The following FAM168A variants were observed in gnomAD, a reference collection of about 807,000 sequenced individuals.
FAM168A encodes the protein protein FAM168A.
A neutral mutation model predicts 28.5 loss-of-function variants in FAM168A; 3 were observed. The ratio of observed to expected loss-of-function variants is 0.11; its 90% CI spans 0.05 to 0.27. The LOEUF is 0.27. Ranked by LOEUF, FAM168A falls within the 10% of genes least tolerant of loss-of-function variation. The pLI is 1.00. For synonymous variants in FAM168A, 122 were observed against 124.2 expected (o/e 0.98, Z 0.12); for missense variants, 222 against 311.5 (o/e 0.71, Z 2.16).
Position 73,581,993 on chromosome 11 carries a change from A to G in FAM168A, c.-19+15930T>C, listed in dbSNP as rs533564147. 5.4e-4 allele frequency among the ~76,000 whole-genome samples: 82 copies of G among 152,060 alleles called. 1 individual carries two copies. In the South Asian group the frequency reaches 0.016, roughly 30 times the overall value. On this transcript the variant is annotated intron_variant, in intron 1 of 7. Coordinates refer to ENST00000356467, the MANE Select transcript of FAM168A (RefSeq NM_015159.3). ...CGGCCTCCCAAAGTGCTGGGATTAC[A>G]GGCATGAGCCACCGCACCCAGCCAA...
intron 3 of FAM168A, among the ~76,000 whole-genome samples, chr11:73,429,163 A>C (rs1866940501): frequency 6.6e-6 from 1 of 152,208 alleles, no homozygotes; most frequent in Admixed American, 6.5e-5. Flanking sequence ...CTAGGTCTTC[A>C]GACAACCTGT....
chr11:73,483,965 C>T (rs1868003482), intron 1 of FAM168A, among the ~76,000 whole-genome samples: 1 of 152,142 alleles, frequency 6.6e-6, no homozygotes, highest in African/African-American at 2.4e-5. Context: ...AGAATATTGT[C>T]AGATGTAATA....
intron 1 of FAM168A, among the ~76,000 whole-genome samples, chr11:73,580,924 A>AC: frequency 6.6e-6 from 1 of 152,192 alleles, no homozygotes; most frequent in South Asian, 2.1e-4. Context: ...TTGGGACCTG[A>AC]CCCCTAATCA....
intron 1 of FAM168A, among the ~76,000 whole-genome samples, chr11:73,584,854 A>C (rs1011926282): frequency 2.2e-4 from 33 of 152,090 alleles, no homozygotes; most frequent in African/African-American, 7.2e-4. Context: ...TCAACCAAAA[A>C]CCACAAAGTT....
intron 1 of FAM168A, among the ~76,000 whole-genome samples, chr11:73,566,429 G>A (rs1045005721): frequency 2.0e-5 from 3 of 152,080 alleles, no homozygotes; most frequent in African/African-American, 7.2e-5. Flanking sequence ...TACTTATTTT[G>A]CAAGTTACAG....
intron 3 of FAM168A, 140 bp downstream of exon 3, chr11:73,430,550 G>T: frequency 4.1e-6 from 3 of 739,044 alleles, no homozygotes; most frequent in Non-Finnish European, 7.3e-6. Flanking sequence ...TCCCAGAAGG[G>T]ACTCCCAGGA....
At position 73,482,594 on chromosome 11, in the gene FAM168A, G is replaced by C. The variant is rs912839136; in HGVS notation, c.-18-14102C>G. Reference sequence around the variant, plus strand: ...TACCAGAATATATTAGTTTTTTGAAGCAAACCTATGAGGCCCACTAGATTA... The same window carrying C: ...TACCAGAATATATTAGTTTTTTGAACCAAACCTATGAGGCCCACTAGATTA... On this transcript the variant is annotated intron_variant, in intron 1 of 7. Transcript: ENST00000356467. Among the ~76,000 whole-genome samples the C allele has an allele frequency of 2.0e-5, 3 of 151,538 alleles. No individual in the cohort carries two copies. In the Admixed American group the frequency reaches 2.0e-4, roughly 10 times the overall value.
intron 1 of FAM168A, among the ~76,000 whole-genome samples, chr11:73,579,042 C>A (rs1035020382): frequency 6.6e-5 from 10 of 152,128 alleles, no homozygotes; most frequent in South Asian, 4.1e-4. Context: ...TTGCAGATGG[C>A]CCTCTTCTCA....
intron 2 of FAM168A, among the ~76,000 whole-genome samples, chr11:73,462,889 G>A (rs1273137424): frequency 2.0e-5 from 3 of 146,782 alleles, no homozygotes; most frequent in Admixed American, 6.9e-5. Flanking sequence ...AGAGAGGAGA[G>A]GAGAAGAGAA....
At chr11:73,476,752 TA>T (rs1413314612) in intron 1 of FAM168A, among the ~76,000 whole-genome samples, 2 of 151,668 alleles carry the variant, frequency 1.3e-5, no homozygotes, top group Non-Finnish European at 2.9e-5. Flanking sequence ...AGAATATCAA[TA>T]AAAAATATAA....
chr11:73,505,475 A>G (rs1335110268), intron 1 of FAM168A, among the ~76,000 whole-genome samples: 2 of 152,208 alleles, frequency 1.3e-5, no homozygotes, highest in East Asian at 3.8e-4. Flanking sequence ...AAAACTAGCT[A>G]TTATCATTAT....
At chr11:73,457,723 C>CAAAAAAAAAAAAAAAA (rs58142151) in intron 2 of FAM168A, among the ~76,000 whole-genome samples, 7 of 37,540 alleles carry the variant, frequency 1.9e-4, no homozygotes, top group Non-Finnish European at 2.3e-4. Context: ...GCCTGGGTGA[C>CAAAAAAAAAAAAAAAA]AAAAAAAAAA....
intron 1 of FAM168A, among the ~76,000 whole-genome samples, chr11:73,475,943 C>A (rs1240089898): frequency 6.6e-6 from 1 of 152,174 alleles, no homozygotes; most frequent in East Asian, 1.9e-4. Context: ...GCCACTAATG[C>A]AGCTACTCTG....
intron 3 of FAM168A, among the ~76,000 whole-genome samples, chr11:73,421,633 G>A (rs2134498225): frequency 6.6e-6 from 1 of 152,226 alleles, no homozygotes; most frequent in Admixed American, 6.5e-5. Flanking sequence ...TGGGAAACAG[G>A]AAAGGGATAA....
In FAM168A at chr11:73,484,070, G is replaced by T. The variant is rs568239799; in HGVS notation, c.-18-15578C>A. 4.6e-4 allele frequency among the ~76,000 whole-genome samples: 70 copies of T among 152,248 alleles called. 1 individual carries two copies. The Middle Eastern group carries it at 0.01, about 22-fold the overall frequency. On this transcript the variant is annotated intron_variant, in intron 1 of 7. Coordinates refer to ENST00000356467, the MANE Select transcript of FAM168A (RefSeq NM_015159.3). ...TGCTTGGTTCCCAATGTACTTTCTT[G>T]CTGCTTCCTTCCTCCCTCCTTATCT... is the stretch of plus-strand genomic sequence containing the variant.
chr11:73,527,422 G>A (rs1386814898), intron 1 of FAM168A, among the ~76,000 whole-genome samples: 2 of 152,080 alleles, frequency 1.3e-5, no homozygotes, highest in Admixed American at 6.6e-5. Flanking sequence ...AAAACAATGG[G>A]TCATAATCAC....
chr11:73,536,167 G>T (rs1316690094), intron 1 of FAM168A, among the ~76,000 whole-genome samples: 1 of 152,090 alleles, frequency 6.6e-6, no homozygotes, highest in Non-Finnish European at 1.5e-5. Flanking sequence ...CTTCTAATCA[G>T]CTTTTTAGTA....
At chr11:73,528,200 G>C (rs140482470) in intron 1 of FAM168A, among the ~76,000 whole-genome samples, 1 of 152,162 alleles carries the variant, frequency 6.6e-6, no homozygotes, top group Non-Finnish European at 1.5e-5. Flanking sequence ...TGTCAGAGGC[G>C]TTCGAACCAG....
chr11:73,407,129 A>T (rs1175396607), intron 7 of FAM168A, among the ~76,000 whole-genome samples: 3 of 152,368 alleles, frequency 2.0e-5, no homozygotes, highest in Non-Finnish European at 2.9e-5. Context: ...CATAAGGTAA[A>T]TGGCACAGAA....
Sources: gnomAD v4.1 joint callset for allele counts (sites outside exome capture counted in the v4.1 genomes callset) on GRCh38, gnomAD v4.1.1 for gene constraint, MANE v1.5 for transcripts, NCBI Gene and HGNC (gene_info 2026-07-23, HGNC 2026-07-21) for gene names.